RNF4: variants seen among roughly 807,000 people sequenced by gnomAD.
RNF4 encodes the protein E3 ubiquitin-protein ligase RNF4.
A neutral mutation model predicts 24.3 loss-of-function variants in RNF4; 7 were observed. The observed-to-expected ratio is 0.29, with a 90% CI of 0.16 to 0.54. The LOEUF is 0.54. Ranked by LOEUF, RNF4 falls within the 20% of genes least tolerant of loss-of-function variation. RNF4 has a pLI of 0.95. For synonymous variants in RNF4, 83 were observed against 84.3 expected (o/e 0.98, Z 0.09); for missense variants, 209 against 248.5 (o/e 0.84, Z 1.07).
intron 1 of RNF4, among the ~76,000 whole-genome samples, chr4:2,483,020 C>A (rs1735289614): frequency 6.6e-6 from 1 of 152,234 alleles, no homozygotes; most frequent in Non-Finnish European, 1.5e-5. Context: ...GTTTGTTTTG[C>A]CTTTATTTAA....
chr4:2,479,271 G>A (rs776063310), intron 1 of RNF4, among the ~76,000 whole-genome samples: 23 of 152,094 alleles, frequency 1.5e-4, no homozygotes, highest in Admixed American at 2.0e-4. Flanking sequence ...GCCTTGTCTC[G>A]GATGAGACTT....
chr4:2,497,797 GC>G (rs1172418317), intron 3 of RNF4, among the ~76,000 whole-genome samples: 2 of 151,960 alleles, frequency 1.3e-5, no homozygotes, highest in African/African-American at 4.8e-5. Context: ...ACCACACCCG[GC>G]TAATTTTTTG....
At chr4:2,485,253 G>C (rs1735371218) in intron 1 of RNF4, among the ~76,000 whole-genome samples, 1 of 152,162 alleles carries the variant, frequency 6.6e-6, no homozygotes, top group African/African-American at 2.4e-5. Flanking sequence ...CCGCCTTTCA[G>C]TTCCCCAGCC....
At chr4:2,494,031 C>T (rs557266855) in intron 2 of RNF4, among the ~76,000 whole-genome samples, 17 of 151,698 alleles carry the variant, frequency 1.1e-4, no homozygotes, top group African/African-American at 3.9e-4. Context: ...TTAGTAGAGA[C>T]GGGGTTTCAG....
chr4:2,500,022 C>G (rs1287803540), intron 3 of RNF4, among the ~76,000 whole-genome samples: 2 of 152,016 alleles, frequency 1.3e-5, no homozygotes, highest in African/African-American at 4.8e-5. Context: ...GCCAGGCATG[C>G]TGCCAGGCGC....
intron 4 of RNF4, among the ~76,000 whole-genome samples, chr4:2,510,188 C>T (rs1016680997): frequency 5.9e-5 from 9 of 152,196 alleles, no homozygotes; most frequent in Non-Finnish European, 1.2e-4. Context: ...CCTGCATGGC[C>T]GTTTGTGTAT....
In RNF4 at chr4:2,497,867, C is replaced by G. The variant is rs1735784995; in HGVS notation, c.124+746C>G. ...GCCAGGATGGTCTCGATCTCCTGAC[C>G]TTGTGATCCACCCGTCTCGGCCTCC... On this transcript the variant is annotated intron_variant, in intron 3 of 7. Transcript: ENST00000314289. 2.0e-5 allele frequency among the ~76,000 whole-genome samples: 3 copies of G among 152,132 alleles called. No individual in the cohort carries two copies. In the South Asian group the frequency reaches 6.2e-4, roughly 32 times the overall value.
chr4:2,477,357 C>T (rs572897776), intron 1 of RNF4, among the ~76,000 whole-genome samples: 7 of 152,094 alleles, frequency 4.6e-5, no homozygotes, highest in Admixed American at 2.6e-4. Flanking sequence ...GAGGCCAAGG[C>T]GGGCGGATCA....
intron 1 of RNF4, among the ~76,000 whole-genome samples, chr4:2,472,994 A>C (rs1350766806): frequency 1.3e-5 from 2 of 151,604 alleles, no homozygotes; most frequent in African/African-American, 2.4e-5. Flanking sequence ...GAGCCAAGAT[A>C]GCACCACTGC....
intron 2 of RNF4, among the ~76,000 whole-genome samples, chr4:2,496,165 G>T (rs922727685): frequency 1.3e-5 from 2 of 152,176 alleles, no homozygotes; most frequent in Non-Finnish European, 2.9e-5. Context: ...AGTTCTTTGT[G>T]GGGAGTGATT....
intron 1 of RNF4, among the ~76,000 whole-genome samples, chr4:2,474,063 A>G (rs1435516372): frequency 1.3e-5 from 2 of 151,540 alleles, no homozygotes; most frequent in African/African-American, 4.9e-5. Context: ...CGTGGACAAT[A>G]GAGTGAGACT....
At chr4:2,508,353 A>G (rs946454048) in intron 4 of RNF4, among the ~76,000 whole-genome samples, 2 of 151,968 alleles carry the variant, frequency 1.3e-5, no homozygotes, top group Non-Finnish European at 2.9e-5. Flanking sequence ...AAGCGCTGGT[A>G]CTCTTCCCTC....
At chr4:2,486,102 A>C (rs1735398860) in intron 1 of RNF4, among the ~76,000 whole-genome samples, 1 of 152,174 alleles carries the variant, frequency 6.6e-6, no homozygotes, top group African/African-American at 2.4e-5. Flanking sequence ...ACTTTGGGGA[A>C]GTTCCTTAAC....
intron 1 of RNF4, among the ~76,000 whole-genome samples, chr4:2,484,011 G>A (rs1454088819): frequency 1.6e-5 from 2 of 125,052 alleles, no homozygotes; most frequent in African/African-American, 3.0e-5. Context: ...ATTTTTAGTA[G>A]GGGGTGGGTT....
At position 2,513,789 on chromosome 4, in the gene RNF4, C is replaced by T. The variant is rs781269666; in HGVS notation, c.543C>T (p.Asn181=). Residue 181 remains asparagine (N), a synonymous_variant, in exon 8 of 8, where the codon AAC becomes AAT. Transcript: ENST00000314289. The stretch of plus-strand genomic sequence containing the variant: ...GCCCAACTTGTAGGAAAAAGATCAA[C>T]CACAAACGGTACCACCCCATTTATA... The part of the protein sequence containing the change: ...NTCPTCRKKI[N]HKRYHPIYI 1.2e-5 allele frequency: 19 copies of T among 1,613,860 alleles called. No homozygotes were observed. Among genetic ancestry groups the T allele is most frequent in the African/African-American group, 2.7e-5 (2 of 74,920 alleles).
intron 2 of RNF4, among the ~76,000 whole-genome samples, chr4:2,496,333 G>T (rs950044369): frequency 8.5e-5 from 13 of 152,336 alleles, no homozygotes; most frequent in South Asian, 8.3e-4. Context: ...CAAAGTCAAG[G>T]AAGAGAAATT....
intron 4 of RNF4, 45 bp downstream of exon 4, chr4:2,500,783 C>T (rs2108770296): frequency 1.3e-6 from 2 of 1,583,256 alleles, no homozygotes; most frequent in Non-Finnish European, 1.7e-6. Flanking sequence ...GGGTATGGGT[C>T]CCTGGCCAGT....
chr4:2,490,779 C>A, intron 2 of RNF4: 1 of 344,696 alleles, frequency 2.9e-6, no homozygotes, highest in Admixed American at 4.3e-5. Flanking sequence ...TTGTCAGTGT[C>A]ATAGAAATAC....
At chr4:2,490,612 CCA>C in intron 2 of RNF4, 110 bp downstream of exon 2, 11 of 1,184,340 alleles carry the variant, frequency 9.3e-6, no homozygotes, top group Non-Finnish European at 1.2e-5. Context: ...CTAAGTAACC[CCA>C]CTTCTTGAAG....
Sources: allele counts gnomAD v4.1 joint callset (sites outside exome capture counted in the v4.1 genomes callset), GRCh38; gene constraint gnomAD v4.1.1; transcripts MANE v1.5; gene names NCBI Gene and HGNC (gene_info 2026-07-23, HGNC 2026-07-21).